PPP1R36: variants seen among roughly 807,000 people sequenced by gnomAD.
PPP1R36 encodes the protein chromosome 14 open reading frame 50.
In PPP1R36, 47 loss-of-function variants were observed where a neutral mutation model predicts 53.4. That is an observed-to-expected ratio of 0.88 (90% CI 0.70 to 1.12). The LOEUF is 1.12. PPP1R36 is among the 50% of genes most tolerant of loss of function. The pLI is 0.00. For missense variants in PPP1R36, 456 were observed against 513.9 expected (o/e 0.89, Z 1.09); for synonymous variants, 153 against 170.5 (o/e 0.90, Z 0.80).
intron 6 of PPP1R36, among the ~76,000 whole-genome samples, 179 bp downstream of exon 6, chr14:64,565,871 G>C (rs770418273): frequency 1.8e-4 from 27 of 152,236 alleles, no homozygotes; most frequent in Non-Finnish European, 3.7e-4. Flanking sequence ...GAGGAAGCCA[G>C]AAGTCATGGG....
chr14:64,565,568 T>C (rs1470604973), intron 5 of PPP1R36, 58 bp from the exon 6 acceptor site: 2 of 1,498,914 alleles, frequency 1.3e-6, no homozygotes, highest in Non-Finnish European at 9.3e-7. Context: ...ACGTATCTTG[T>C]GTGACTCTCT....
chr14:64,556,223 C>T (rs1271555569), intron 3 of PPP1R36, among the ~76,000 whole-genome samples: 1 of 151,474 alleles, frequency 6.6e-6, no homozygotes, highest in East Asian at 2.0e-4. Flanking sequence ...CTCCCTTAGC[C>T]TCCCAAGTAG....
intron 1 of PPP1R36, chr14:64,550,389 G>C: frequency 1.4e-6 from 1 of 726,394 alleles, no homozygotes; most frequent in Non-Finnish European, 1.9e-6. Flanking sequence ...GGATAGAAAG[G>C]CTGGTGGGTG....
intron 7 of PPP1R36, among the ~76,000 whole-genome samples, chr14:64,570,242 G>A (rs1476527835): frequency 6.6e-6 from 1 of 152,108 alleles, no homozygotes; most frequent in African/African-American, 2.4e-5. Context: ...CCAACACTTT[G>A]GGAGGCCAAG....
intron 7 of PPP1R36, 41 bp downstream of exon 7, chr14:64,568,488 G>T: frequency 1.1e-6 from 1 of 903,444 alleles, no homozygotes; most frequent in Non-Finnish European, 1.7e-6. Flanking sequence ...TTTTATCACT[G>T]CCAGTATTAA....
At chr14:64,562,328 G>T (rs2080211902) in intron 3 of PPP1R36, among the ~76,000 whole-genome samples, 1 of 152,102 alleles carries the variant, frequency 6.6e-6, no homozygotes, top group African/African-American at 2.4e-5. Flanking sequence ...GGATGTGGTG[G>T]CAGGCACCTG....
intron 1 of PPP1R36, 112 bp downstream of exon 1, chr14:64,550,178 G>T: frequency 6.9e-7 from 1 of 1,457,018 alleles, no homozygotes; most frequent in East Asian, 2.7e-5. Flanking sequence ...CGTCGCCTTC[G>T]CCCCGGGCTG....
At chr14:64,586,684 G>T in intron 8 of PPP1R36, 153 bp from the exon 9 acceptor site, 1 of 550,190 alleles carries the variant, frequency 1.8e-6, no homozygotes. Flanking sequence ...AAAGTATTGA[G>T]ACTCTTTATC....
chr14:64,574,625 C>T, intron 8 of PPP1R36, 36 bp downstream of exon 8: 1 of 1,569,222 alleles, frequency 6.4e-7, no homozygotes, highest in African/African-American at 1.4e-5. Context: ...GATCATCACT[C>T]CATCATAGAC....
intron 8 of PPP1R36, among the ~76,000 whole-genome samples, chr14:64,579,696 C>T (rs1249251288): frequency 2.6e-5 from 4 of 152,196 alleles, no homozygotes; most frequent in Non-Finnish European, 5.9e-5. Context: ...TTGGGCCAGG[C>T]GCGGTGGCTC....
At position 64,565,374 on chromosome 14, in the gene PPP1R36, T is replaced by G. The variant is rs759472363; in HGVS notation, c.287T>G (p.Leu96Arg). ...CAAAACAGGTTGACAGATAAAAGAC[T>G]TGCTGCAAAAGATGATAAGTCAGCT... ...PASDRLTDKR[L>R]AAKDDKSAKA... The change falls in exon 5 of 12, where the codon CTT becomes CGT. Residue 96 changes from leucine to arginine, a missense_variant. Physicochemically the swap from Leu to Arg is moderately radical, Grantham distance 102. Coordinates refer to ENST00000298705, the MANE Select transcript of PPP1R36 (RefSeq NM_172365.3). The G allele has an allele frequency of 6.2e-7, 1 of 1,612,514 alleles. No homozygotes were observed. Among genetic ancestry groups the G allele is most frequent in the African/African-American group, 1.3e-5 (1 of 74,834 alleles).
intron 7 of PPP1R36, among the ~76,000 whole-genome samples, chr14:64,573,834 AC>A (rs2140238330): frequency 7.4e-6 from 1 of 134,996 alleles, no homozygotes; most frequent in South Asian, 2.6e-4. Context: ...AATTCCTTGA[AC>A]CCGGGAGGTG....
chr14:64,566,456 A>T (rs911477283), intron 6 of PPP1R36, among the ~76,000 whole-genome samples: 3 of 152,210 alleles, frequency 2.0e-5, no homozygotes, highest in East Asian at 3.9e-4. Flanking sequence ...AAAAAAAAAA[A>T]AAAGATATAC....
intron 3 of PPP1R36, among the ~76,000 whole-genome samples, chr14:64,556,380 G>C (rs144639993): frequency 0.044 from 6,686 of 151,706 alleles, 198 homozygotes; most frequent in African/African-American, 0.067. Context: ...TGGGATTATA[G>C]GCATGAGCCA....
intron 8 of PPP1R36, among the ~76,000 whole-genome samples, chr14:64,576,486 A>G (rs1272382250): frequency 6.6e-6 from 1 of 152,180 alleles, no homozygotes; most frequent in Non-Finnish European, 1.5e-5. Flanking sequence ...AGGATCGTAT[A>G]TTAGTTTATA....
intron 3 of PPP1R36, among the ~76,000 whole-genome samples, chr14:64,553,698 C>T (rs1345454140): frequency 1.3e-5 from 2 of 150,714 alleles, no homozygotes; most frequent in African/African-American, 2.4e-5. Context: ...AGGAAACCTT[C>T]GGAGGTGGTA....
intron 3 of PPP1R36, among the ~76,000 whole-genome samples, chr14:64,557,598 GTACAT>G (rs1457777719): frequency 6.6e-6 from 1 of 152,140 alleles, no homozygotes; most frequent in East Asian, 1.9e-4. Flanking sequence ...AATAAGGTTT[GTACAT>G]TACAATTGGC....
In PPP1R36 at chr14:64,582,735, T is replaced by G. The variant is rs115140424; in HGVS notation, c.669-4102T>G. ...ATTATTAAAATTAGCTTCACTTGTT[T>G]CTCTTCACTGTGGCTACTAGAAAAT... On this transcript the variant is annotated intron_variant, in intron 8 of 11. Transcript: ENST00000298705. Among the ~76,000 whole-genome samples the G allele has an allele frequency of 4.1e-3, 623 of 152,312 alleles. 3 individuals carry two copies. Among genetic ancestry groups the G allele is most frequent in the African/African-American group, 0.014 (600 of 41,574 alleles).
intron 3 of PPP1R36, among the ~76,000 whole-genome samples, chr14:64,553,841 AC>A (rs547984147): frequency 0.02 from 2,871 of 145,398 alleles, 87 homozygotes; most frequent in African/African-American, 0.06. Flanking sequence ...AAAAAAAAAA[AC>A]AACAACTCCA....
Sources: gnomAD v4.1 joint callset for allele counts (sites outside exome capture counted in the v4.1 genomes callset) on GRCh38, gnomAD v4.1.1 for gene constraint, MANE v1.5 for transcripts, NCBI Gene and HGNC (gene_info 2026-07-23, HGNC 2026-07-21) for gene names.